Variants in MMP13 observed in about 807,000 individuals in gnomAD.
The protein encoded by MMP13 is collagenase 3.
A neutral mutation model predicts 52.1 loss-of-function variants in MMP13; 45 were observed. The ratio of observed to expected loss-of-function variants is 0.86; its 90% CI spans 0.68 to 1.11. The LOEUF is 1.11. Ranked by LOEUF, MMP13 falls within the 50% of genes least tolerant of loss-of-function variation. The probability of loss-of-function intolerance (pLI) is 0.00; values close to 1 mark genes in which losing one functional copy is unlikely to be tolerated. For missense variants in MMP13, 576 were observed against 583.8 expected (o/e 0.99, Z 0.14); for synonymous variants, 200 against 204.4 (o/e 0.98, Z 0.18).
At chr11:102,951,623 AACAGGGAT>A (rs781895716) in intron 5 of MMP13, among the ~76,000 whole-genome samples, 4 of 152,172 alleles carry the variant, frequency 2.6e-5, no homozygotes, top group Non-Finnish European at 5.9e-5. Flanking sequence ...GTTGCTTAAC[AACAGGGAT>A]ACATTCTGAA....
In MMP13 at chr11:102,947,954, C is replaced by G; in HGVS notation, c.1148G>C (p.Ser383Thr). 6.2e-7 allele frequency: 1 copy of G among 1,613,916 alleles called. No homozygotes were observed. Among genetic ancestry groups the G allele is most frequent in the Non-Finnish European group, 8.5e-7 (1 of 1,179,904 alleles). The change falls in exon 8 of 10, where the codon AGT becomes ACT. Residue 383 changes from serine (S) to threonine (T), a missense_variant. Ser to Thr is a moderately conservative substitution (Grantham distance 58). Coordinates refer to ENST00000260302, the MANE Select transcript of MMP13 (RefSeq NM_002427.4). ...LGLPKEVKKI[S>T]AAVHFEDTGK... is the part of the protein sequence containing the mutation. ...TGTATCCTCAAAGTGAACAGCTGCA[C>G]TTATCTTCTTAACTTCTTTTGGAAG...
chr11:102,952,658 C>A lies in MMP13; in HGVS notation c.638-485G>T, dbSNP rs1416542065. Reference sequence around the variant, plus strand: ...GGATGGAGGATGCACTAAATAGGTTCTCTGTGTTTACTCTTGGGAGCAAAT... The same window carrying A: ...GGATGGAGGATGCACTAAATAGGTTATCTGTGTTTACTCTTGGGAGCAAAT... On this transcript the variant is annotated intron_variant, in intron 4 of 9. Coordinates refer to ENST00000260302, the MANE Select transcript of MMP13 (RefSeq NM_002427.4). This position sits in a 1 kb window ranked among gnomAD's most constrained non-coding sequence, Gnocchi z 4.3. Among the ~76,000 whole-genome samples the A allele has an allele frequency of 6.6e-6, 1 of 152,108 alleles. No individual in the cohort carries two copies. The highest frequency in any genetic ancestry group is 1.5e-5 in the Non-Finnish European group (1 of 68,006).
chr11:102,949,191 C>T lies in MMP13; in HGVS notation c.918-33G>A, dbSNP rs1555017040. ...AAAAGTAAAATGGAGTTTTCTGTCA[C>T]ATTTTTAAATGCAATATTTCTATCC... On this transcript the variant is annotated intron_variant, in intron 6 of 9. Coordinates refer to ENST00000260302, the MANE Select transcript of MMP13 (RefSeq NM_002427.4). This position sits in a 1 kb window ranked among gnomAD's most constrained non-coding sequence, Gnocchi z 4.2. 3.1e-6 allele frequency: 5 copies of T among 1,610,866 alleles called. No homozygotes were observed. The African/African-American group carries it at 6.7e-5, about 22-fold the overall frequency.
chr11:102,948,530 CATAAAG>C (rs1365118431), intron 7 of MMP13, among the ~76,000 whole-genome samples: 12 of 151,876 alleles, frequency 7.9e-5, no homozygotes, highest in East Asian at 1.9e-4. Context: ...AAATTATGGT[CATAAAG>C]ATAAAGTAGC....
chr11:102,955,581 T>A lies in MMP13; in HGVS notation c.120+5A>T. On this transcript the variant is annotated splice_donor_5th_base_variant and intron_variant, in intron 1 of 9. Transcript: ENST00000260302. The surrounding 1 kb of genome is among the most constrained non-coding windows in gnomAD (Gnocchi z 4.9). ...CGCATCATCAGGATTGGCAAGATAC[T>A]CTACCTCTGCAAACTGGAGGTCTTC... is the stretch of plus-strand genomic sequence containing the variant. 1 of 1,614,008 alleles carries A rather than the reference T, an allele frequency of 6.2e-7. No homozygotes were observed. Among genetic ancestry groups the A allele is most frequent in the Non-Finnish European group, 8.5e-7 (1 of 1,179,900 alleles).
chr11:102,949,278 G>T lies in MMP13; in HGVS notation c.918-120C>A. The stretch of plus-strand genomic sequence containing the variant: ...TAGATACAACCAATACCTCCCACCT[G>T]TGAAGGGAAAAAAAATTCCATTACC... On this transcript the variant is annotated intron_variant, in intron 6 of 9. Transcript: ENST00000260302. The surrounding 1 kb of genome is among the most constrained non-coding windows in gnomAD (Gnocchi z 4.2). The T allele has an allele frequency of 7.8e-7, 1 of 1,278,334 alleles. No homozygotes were observed. 79.2% of individuals were successfully genotyped at this position (1,278,334 alleles called of 1,614,324 possible).
chr11:102,951,138 G>A (rs904417818), intron 5 of MMP13, among the ~76,000 whole-genome samples: 19 of 150,214 alleles, frequency 1.3e-4, no homozygotes, highest in African/African-American at 4.6e-4. Flanking sequence ...AAATATTATT[G>A]AAAACTTGGG....
rs1290746245 is a variant in MMP13, at chr11:102,943,135, A to G, written c.*1131T>C. On this transcript the variant is annotated 3_prime_UTR_variant, in exon 10 of 10. Transcript: ENST00000260302. ...AGTTCTTCCCTTGATGGCCGATCAT[A>G]TATTCAATAAGTGCCAAGCACCCTC... is the stretch of plus-strand genomic sequence containing the variant. 6.6e-6 allele frequency: 1 copy of G among 152,132 alleles called. No homozygotes were observed. The highest frequency in any genetic ancestry group is 2.4e-5 in the African/African-American group (1 of 41,440). 9.4% of individuals were successfully genotyped at this position (152,132 alleles called of 1,614,324 possible). A position where few individuals can be genotyped will look rare whatever the true frequency, so the allele number is the denominator to read the frequency against.
rs1182323661 is a variant in MMP13 at position 102,943,631 on chromosome 11, T to G, written c.*635A>C. The G allele has an allele frequency of 2.6e-5, 4 of 152,478 alleles. No homozygotes were observed. The highest frequency in any genetic ancestry group is 9.6e-5 in the African/African-American group (4 of 41,462). The allele number at this position is 152,478 out of a possible 1,614,324, so 9.4% of individuals were successfully genotyped here. On this transcript the variant is annotated 3_prime_UTR_variant, in exon 10 of 10. Coordinates refer to ENST00000260302, the MANE Select transcript of MMP13 (RefSeq NM_002427.4). ...GCAGACTTTGAGTCATTGCCAAAAGTGAAAATTAAACAGAATTCAAAGGCC... is the reference window on the plus strand; with the variant it reads ...GCAGACTTTGAGTCATTGCCAAAAGGGAAAATTAAACAGAATTCAAAGGCC...
intron 8 of MMP13, among the ~76,000 whole-genome samples, chr11:102,947,319 G>A (rs1160633051): frequency 1.3e-5 from 2 of 152,222 alleles, no homozygotes; most frequent in African/African-American, 2.4e-5. Context: ...GCTCACGACT[G>A]TAATTCCACC....
intron 3 of MMP13, 31 bp from the exon 4 acceptor site, chr11:102,954,312 A>G: frequency 6.2e-7 from 1 of 1,613,588 alleles, no homozygotes. Context: ...TAGGAGTCTT[A>G]TCACATCCAG....
chr11:102,951,887 T>C, intron 5 of MMP13, 125 bp downstream of exon 5: 1 of 953,758 alleles, frequency 1.0e-6, no homozygotes, highest in South Asian at 1.3e-5. Flanking sequence ...TATGAAACCT[T>C]TGTCATGCAT....
At chr11:102,948,885 T>C in intron 7 of MMP13, 140 bp downstream of exon 7, 1 of 1,159,174 alleles carries the variant, frequency 8.6e-7, no homozygotes, top group Admixed American at 1.8e-5. Flanking sequence ...TCAGGTACTT[T>C]CTGGCTTCCA....
intron 9 of MMP13, among the ~76,000 whole-genome samples, 165 bp from the exon 10 acceptor site, chr11:102,944,531 A>AT (rs1279158708): frequency 6.6e-6 from 1 of 151,594 alleles, no homozygotes; most frequent in African/African-American, 2.4e-5. Flanking sequence ...TAAATTTTTT[A>AT]TTTTTTTATT....
Position 102,949,192 on chromosome 11 carries a change from A to G in MMP13, c.918-34T>C, listed in dbSNP as rs368129116. 1.2e-5 allele frequency: 20 copies of G among 1,610,790 alleles called. No individual in the cohort carries two copies. Among genetic ancestry groups the G allele is most frequent in the Non-Finnish European group, 1.7e-5 (20 of 1,179,076 alleles). On this transcript the variant is annotated intron_variant, in intron 6 of 9. Coordinates refer to ENST00000260302, the MANE Select transcript of MMP13 (RefSeq NM_002427.4). The surrounding 1 kb of genome is among the most constrained non-coding windows in gnomAD (Gnocchi z 4.2). The stretch of plus-strand genomic sequence containing the variant: ...AAAGTAAAATGGAGTTTTCTGTCAC[A>G]TTTTTAAATGCAATATTTCTATCCT...
rs145243532 is a variant in MMP13 at position 102,954,460 on chromosome 11, T to C, written c.509A>G (p.Lys170Arg). Residue 170 changes from lysine (K) to arginine (R), a missense_variant and splice_region_variant, in exon 3 of 10, where the codon AAG (lysine) becomes AGG (arginine). Coordinates refer to ENST00000260302, the MANE Select transcript of MMP13 (RefSeq NM_002427.4). ...GTAAAATAAATGTGCATCATTACCC[T>C]TAATTCCAAAAGAGATCATGATGTC... ...IADIMISFGI[K>R]EHGDFYPFDG... The C allele has an allele frequency of 6.2e-7, 1 of 1,613,420 alleles. No homozygotes were observed. Among genetic ancestry groups the C allele is most frequent in the East Asian group, 2.2e-5 (1 of 44,846 alleles).
chr11:102,955,144 A>C lies in MMP13; in HGVS notation c.362+108T>G, dbSNP rs552783742. 7.9e-7 allele frequency: 1 copy of C among 1,271,768 alleles called. No individual in the cohort carries two copies. Among genetic ancestry groups the C allele is most frequent in the Non-Finnish European group, 1.1e-6 (1 of 897,912 alleles). The allele number at this position is 1,271,768 out of a possible 1,614,324, so 78.8% of individuals were successfully genotyped here. A position where few individuals can be genotyped will look rare whatever the true frequency, so the allele number is the denominator to read the frequency against. On this transcript the variant is annotated intron_variant, in intron 2 of 9. Transcript: ENST00000260302. This position sits in a 1 kb window ranked among gnomAD's most constrained non-coding sequence, Gnocchi z 4.9. The stretch of plus-strand genomic sequence containing the variant: ...TATTCTCGGCAACCATATTAAAGCT[A>C]TTCTGGAATTTAACTGCCAATTAAA...
rs1276384722 is a variant in MMP13 at position 102,949,981 on chromosome 11, A to G, written c.917+129T>C. 2 of 789,032 alleles carry G rather than the reference A, an allele frequency of 2.5e-6. No individual in the cohort carries two copies. The highest frequency in any genetic ancestry group is 4.6e-6 in the Non-Finnish European group (2 of 434,470). The allele number at this position is 789,032 out of a possible 1,614,324, so 48.9% of individuals were successfully genotyped here. A position where few individuals can be genotyped will look rare whatever the true frequency, so the allele number is the denominator to read the frequency against. On this transcript the variant is annotated intron_variant, in intron 6 of 9. Transcript: ENST00000260302. This position sits in a 1 kb window ranked among gnomAD's most constrained non-coding sequence, Gnocchi z 4.2. ...CATTTATTTGATCTGAAATATGTAA[A>G]TAAACTGCCTGCCCATTTTTACTGC...
rs1555016594 is a variant in MMP13 at position 102,945,692 on chromosome 11, GTCT to G, written c.1266_1268del (p.Glu422del). 2 of 1,604,000 alleles carry G rather than the reference GTCT, an allele frequency of 1.2e-6. No individual in the cohort carries two copies. Among genetic ancestry groups the G allele is most frequent in the African/African-American group, 1.3e-5 (1 of 74,768 alleles). ...CTACTTTATCACCAATTCCTGGGAAGTCTTCTTCTATTAGTCTCGGATAGTCTT... is the reference window on the plus strand; with the variant it reads ...CTACTTTATCACCAATTCCTGGGAAGTCTTCTATTAGTCTCGGATAGTCTT... On this transcript the variant is annotated inframe_deletion, in exon 9 of 10. Transcript: ENST00000260302.
Sources: allele counts gnomAD v4.1 joint callset (sites outside exome capture counted in the v4.1 genomes callset), GRCh38; gene constraint gnomAD v4.1.1; non-coding constraint Gnocchi (gnomAD v3.1); transcripts MANE v1.5; gene names NCBI Gene and HGNC (gene_info 2026-07-23, HGNC 2026-07-21).